DYM: variants seen among roughly 807,000 people sequenced by gnomAD.
The protein encoded by DYM is dyggve-Melchior-Clausen syndrome protein.
In DYM, 78 loss-of-function variants were observed where a neutral mutation model predicts 93.1. The ratio of observed to expected loss-of-function variants is 0.84; its 90% CI spans 0.70 to 1.01. DYM has a LOEUF of 1.01. Among genes scored for constraint, DYM ranks in the 50% least tolerant of loss-of-function variants. DYM has a pLI of 0.00. For synonymous variants in DYM, 321 were observed against 319.7 expected (o/e 1.00, Z -0.04); for missense variants, 789 against 845.0 (o/e 0.93, Z 0.82).
chr18:49,426,307 A>G (rs910120354), intron 2 of DYM, among the ~76,000 whole-genome samples: 6 of 150,140 alleles, frequency 4.0e-5, no homozygotes, highest in South Asian at 2.1e-4. Context: ...CAGAAAACCA[A>G]ACACCACATG....
At chr18:49,286,877 T>C (rs1395083784) in intron 8 of DYM, among the ~76,000 whole-genome samples, 1 of 152,046 alleles carries the variant, frequency 6.6e-6, no homozygotes, top group African/African-American at 2.4e-5. Context: ...TGAATGAAAT[T>C]TAGTAGAAAA....
chr18:49,338,783 A>C (rs11872759), intron 6 of DYM, among the ~76,000 whole-genome samples: 3,965 of 152,334 alleles, frequency 0.026, 161 homozygotes, highest in African/African-American at 0.089. Context: ...TTAGATGTGA[A>C]TAAAACTAAA....
intron 17 of DYM, among the ~76,000 whole-genome samples, chr18:49,075,913 A>G (rs1383499489): frequency 1.3e-5 from 2 of 152,234 alleles, no homozygotes; most frequent in African/African-American, 4.8e-5. Flanking sequence ...ACATGAGAAG[A>G]GTTTAAACCC....
At chr18:49,174,778 G>C (rs2089194090) in intron 14 of DYM, among the ~76,000 whole-genome samples, 1 of 152,132 alleles carries the variant, frequency 6.6e-6, no homozygotes, top group South Asian at 2.1e-4. Context: ...GTCACGCTTA[G>C]CTTCACAGAG....
intron 1 of DYM, among the ~76,000 whole-genome samples, chr18:49,449,180 A>G (rs1445107020): frequency 1.3e-5 from 2 of 152,120 alleles, no homozygotes; most frequent in East Asian, 3.8e-4. Context: ...ACTGAGGCCA[A>G]TTTTCTGAAG....
intron 16 of DYM, among the ~76,000 whole-genome samples, chr18:49,112,677 A>T (rs73441515): frequency 0.025 from 3,814 of 152,312 alleles, 152 homozygotes; most frequent in African/African-American, 0.085. Flanking sequence ...TAGTAAATTT[A>T]CTGAGGTACA....
chr18:49,332,199 C>T (rs780674752), intron 7 of DYM, among the ~76,000 whole-genome samples, 193 bp from the exon 8 acceptor site: 1 of 152,168 alleles, frequency 6.6e-6, no homozygotes, highest in East Asian at 1.9e-4. Flanking sequence ...AGGCTTAATC[C>T]TTGCTTTTCC....
intron 8 of DYM, among the ~76,000 whole-genome samples, chr18:49,287,942 A>T (rs1194894070): frequency 1.3e-5 from 2 of 152,178 alleles, no homozygotes; most frequent in Admixed American, 6.5e-5. Flanking sequence ...CTGTGCTATA[A>T]GTGTAAAATA....
intron 17 of DYM, among the ~76,000 whole-genome samples, chr18:49,051,937 C>A (rs902363287): frequency 6.6e-6 from 1 of 152,246 alleles, no homozygotes; most frequent in Non-Finnish European, 1.5e-5. Context: ...GACAGCACTG[C>A]GCATTCCCCG....
intron 2 of DYM, among the ~76,000 whole-genome samples, chr18:49,405,207 T>G (rs780357900): frequency 2.6e-5 from 4 of 152,200 alleles, no homozygotes; most frequent in Non-Finnish European, 5.9e-5. Context: ...CTGTTTACTC[T>G]GTTGATTTTT....
intron 1 of DYM, among the ~76,000 whole-genome samples, chr18:49,432,569 G>T: frequency 6.8e-6 from 1 of 147,486 alleles, no homozygotes. Flanking sequence ...AAATATTATG[G>T]ATTTATTCAT....
At chr18:49,197,826 A>C (rs2091615742) in intron 14 of DYM, among the ~76,000 whole-genome samples, 1 of 152,204 alleles carries the variant, frequency 6.6e-6, no homozygotes, top group South Asian at 2.1e-4. Context: ...TAAAGATTCA[A>C]TGCCATCCCC....
At chr18:49,229,835 A>G (rs536359514) in intron 13 of DYM, among the ~76,000 whole-genome samples, 3 of 152,318 alleles carry the variant, frequency 2.0e-5, no homozygotes, top group African/African-American at 7.2e-5. Context: ...TGGCAGCTTC[A>G]TACATAATTG....
chr18:49,272,061 C>T, intron 11 of DYM, 117 bp downstream of exon 11: 1 of 740,382 alleles, frequency 1.4e-6, no homozygotes, highest in Non-Finnish European at 2.2e-6. Context: ...CATAACATTT[C>T]TAATACAGGT....
rs1234379447 is a variant in DYM at position 49,220,381 on chromosome 18, C to G, written c.1461-10666G>C. ...TCCCCATCAAGCTACCAATGACTTT[C>G]TTCACAGAATTGGAAAAAACTACTT... On this transcript the variant is annotated intron_variant, in intron 13 of 17. Coordinates refer to ENST00000675505, the MANE Select transcript of DYM (RefSeq NM_001353214.3). Among the ~76,000 whole-genome samples, 462 of 149,822 alleles carry G rather than the reference C, an allele frequency of 3.1e-3. 3 individuals carry two copies. The highest frequency in any genetic ancestry group is 0.011 in the African/African-American group (427 of 40,616).
At chr18:49,166,870 A>T (rs564680769) in intron 14 of DYM, among the ~76,000 whole-genome samples, 1 of 152,230 alleles carries the variant, frequency 6.6e-6, no homozygotes, top group Non-Finnish European at 1.5e-5. Context: ...TCTTGGTGTT[A>T]GGAAGAAGAA....
chr18:49,340,000 G>T (rs1390213828), intron 6 of DYM, among the ~76,000 whole-genome samples: 2 of 152,094 alleles, frequency 1.3e-5, no homozygotes, highest in Non-Finnish European at 2.9e-5. Context: ...GCCCAGGCTG[G>T]AGTGCAGTGG....
intron 10 of DYM, among the ~76,000 whole-genome samples, chr18:49,279,595 G>A (rs1041845446): frequency 6.6e-6 from 1 of 152,170 alleles, no homozygotes; most frequent in Non-Finnish European, 1.5e-5. Context: ...ATCAAACGCA[G>A]ACAGCTGCTC....
At chr18:49,343,406 A>G (rs1033419970) in intron 6 of DYM, among the ~76,000 whole-genome samples, 1 of 152,206 alleles carries the variant, frequency 6.6e-6, no homozygotes, top group African/African-American at 2.4e-5. Flanking sequence ...CTCTCCCATC[A>G]AACAGTAACA....
Sources: gnomAD v4.1 joint callset for allele counts (sites outside exome capture counted in the v4.1 genomes callset) on GRCh38, gnomAD v4.1.1 for gene constraint, MANE v1.5 for transcripts, NCBI Gene and HGNC (gene_info 2026-07-23, HGNC 2026-07-21) for gene names.